BMAL1: variants seen among roughly 807,000 people sequenced by gnomAD.
The protein encoded by BMAL1 is basic helix-loop-helix ARNT like 1.
the BMAL1 span, among the ~76,000 whole-genome samples, chr11:13,343,954 T>C: frequency 6.6e-6 from 1 of 152,170 alleles, no homozygotes; most frequent in Non-Finnish European, 1.5e-5. Context: ...TGATTGATGT[T>C]TAATTTGGGG....
At chr11:13,378,043 C>T in the BMAL1 span, among the ~76,000 whole-genome samples, 1 of 152,182 alleles carries the variant, frequency 6.6e-6, no homozygotes, top group Admixed American at 6.5e-5. Flanking sequence ...GGACTTGTCT[C>T]TGTAACCCTG....
chr11:13,308,497 A>C, the BMAL1 span, among the ~76,000 whole-genome samples: 1 of 152,182 alleles, frequency 6.6e-6, no homozygotes. Flanking sequence ...ACACGCTGAC[A>C]TAAGAGGTGG....
At chr11:13,308,428 C>T in the BMAL1 span, among the ~76,000 whole-genome samples, 1 of 152,076 alleles carries the variant, frequency 6.6e-6, no homozygotes, top group South Asian at 2.1e-4. Flanking sequence ...TGTGTGAATC[C>T]AGGAGACTAG....
At chr11:13,306,860 G>T in the BMAL1 span, among the ~76,000 whole-genome samples, 8 of 152,236 alleles carry the variant, frequency 5.3e-5, no homozygotes, top group Non-Finnish European at 1.0e-4. Flanking sequence ...CTTGCCTTCT[G>T]TTCTTTGTGT....
the BMAL1 span, among the ~76,000 whole-genome samples, chr11:13,381,854 T>TA: frequency 2.0e-5 from 3 of 152,308 alleles, no homozygotes; most frequent in East Asian, 3.9e-4. Flanking sequence ...CTGGAGAACT[T>TA]ATAAGCCTAG....
At chr11:13,374,430 T>C in the BMAL1 span, among the ~76,000 whole-genome samples, 1 of 152,272 alleles carries the variant, frequency 6.6e-6, no homozygotes, top group East Asian at 1.9e-4. Context: ...AAGACATCTC[T>C]TGTTCAGAGG....
chr11:13,362,828 A>G, the BMAL1 span, among the ~76,000 whole-genome samples: 2 of 152,062 alleles, frequency 1.3e-5, no homozygotes, highest in Admixed American at 6.6e-5. Flanking sequence ...GCTTGGTTTA[A>G]TGCCCTGTCA....
At chr11:13,279,696 G>A in the BMAL1 span, among the ~76,000 whole-genome samples, 9 of 152,164 alleles carry the variant, frequency 5.9e-5, no homozygotes, top group Non-Finnish European at 1.3e-4. Flanking sequence ...TCATTTTACT[G>A]ATAAGTCTTT....
At chr11:13,308,820 T>C in the BMAL1 span, among the ~76,000 whole-genome samples, 2 of 152,202 alleles carry the variant, frequency 1.3e-5, no homozygotes, top group Non-Finnish European at 2.9e-5. Flanking sequence ...ACAGTGCTTC[T>C]GGCTTTTGTG....
the BMAL1 span, among the ~76,000 whole-genome samples, chr11:13,284,126 GTGTA>G: frequency 5.7e-3 from 562 of 98,560 alleles, 54 homozygotes; most frequent in African/African-American, 0.023. Flanking sequence ...ATATGTGTGT[GTGTA>G]TATATATATA....
chr11:13,286,552 G>T, the BMAL1 span, among the ~76,000 whole-genome samples: 1 of 152,162 alleles, frequency 6.6e-6, no homozygotes, highest in Non-Finnish European at 1.5e-5. Context: ...ATACTTCGTT[G>T]TTCAAACCTG....
the BMAL1 span, among the ~76,000 whole-genome samples, chr11:13,346,064 T>C: frequency 1.3e-5 from 2 of 152,266 alleles, no homozygotes; most frequent in African/African-American, 2.4e-5. Context: ...AGTGGCTTAC[T>C]GTAGCAAAGG....
the BMAL1 span, among the ~76,000 whole-genome samples, chr11:13,284,230 GTGTGTATATATA>G: frequency 0.4 from 8,096 of 20,438 alleles, 1,453 homozygotes; most frequent in South Asian, 0.51. Flanking sequence ...ATATATATGT[GTGTGTATATATA>G]TATATATATA....
the BMAL1 span, among the ~76,000 whole-genome samples, chr11:13,344,586 G>A: frequency 6.6e-6 from 1 of 152,200 alleles, no homozygotes. Flanking sequence ...TGATCCTTGT[G>A]CAAACACCTG....
At chr11:13,313,870 C>G in the BMAL1 span, among the ~76,000 whole-genome samples, 1 of 152,016 alleles carries the variant, frequency 6.6e-6, no homozygotes, top group Non-Finnish European at 1.5e-5. Flanking sequence ...TGGCCCTTGG[C>G]CCCCTGCAGC....
At chr11:13,332,870 G>A in the BMAL1 span, among the ~76,000 whole-genome samples, 1 of 152,060 alleles carries the variant, frequency 6.6e-6, no homozygotes, top group Non-Finnish European at 1.5e-5. Flanking sequence ...ATGACCCCAG[G>A]CTTCCTGTCA....
the BMAL1 span, among the ~76,000 whole-genome samples, chr11:13,376,046 C>T: frequency 6.6e-6 from 1 of 152,228 alleles, no homozygotes; most frequent in African/African-American, 2.4e-5. Context: ...ACAGGCCCTG[C>T]ACCCTAGGCA....
the BMAL1 span, among the ~76,000 whole-genome samples, chr11:13,319,828 G>A: frequency 1.3e-5 from 2 of 152,226 alleles, no homozygotes; most frequent in Non-Finnish European, 2.9e-5. Flanking sequence ...CTGAGGCTGG[G>A]TCAGCATTTG....
At chr11:13,289,395 T>C in the BMAL1 span, among the ~76,000 whole-genome samples, 1 of 152,146 alleles carries the variant, frequency 6.6e-6, no homozygotes, top group Non-Finnish European at 1.5e-5. Context: ...TGTTTGTTTT[T>C]ATTATACTTT....
Sources: allele counts gnomAD v4.1 joint callset (sites outside exome capture counted in the v4.1 genomes callset), GRCh38; gene constraint gnomAD v4.1.1; transcripts MANE v1.5; gene names NCBI Gene and HGNC (gene_info 2026-07-23, HGNC 2026-07-21).